CPA6: variants seen among roughly 807,000 people sequenced by gnomAD.
The protein encoded by CPA6 is carboxypeptidase B.
A neutral mutation model predicts 63.3 loss-of-function variants in CPA6; 58 were observed. That is an observed-to-expected ratio of 0.92 (90% CI 0.74 to 1.14). The LOEUF is 1.14. Among genes scored for constraint, CPA6 ranks in the 50% most tolerant of loss-of-function variants. CPA6 has a pLI of 0.00. For missense variants in CPA6, 565 were observed against 526.6 expected, an observed-to-expected ratio of 1.07 and a Z score of -0.71; for synonymous variants, 185 against 179.0, an observed-to-expected ratio of 1.03 and a Z score of -0.27.
At chr8:67,446,352 C>T (rs996907009) in intron 8 of CPA6, among the ~76,000 whole-genome samples, 1 of 151,516 alleles carries the variant, frequency 6.6e-6, no homozygotes, top group African/African-American at 2.4e-5. Flanking sequence ...GATAGAGTCT[C>T]GATATCTCGT....
chr8:67,496,540 TA>T (rs1311176556), intron 6 of CPA6, among the ~76,000 whole-genome samples: 42 of 139,602 alleles, frequency 3.0e-4, no homozygotes, highest in African/African-American at 1.1e-3. Context: ...TATATATATA[TA>T]TATATATATA....
rs150122426 is a variant in CPA6, at chr8:67,476,298, C to T, written c.838+7470G>A. Among the ~76,000 whole-genome samples, 388 of 152,088 alleles carry T rather than the reference C, an allele frequency of 2.6e-3. 2 individuals are homozygous for T. The highest frequency in any genetic ancestry group is 8.8e-3 in the African/African-American group (364 of 41,492). On this transcript the variant is annotated intron_variant, in intron 8 of 10. Coordinates refer to ENST00000297770, the MANE Select transcript of CPA6 (RefSeq NM_020361.5). ...GATTACAGGTGTGAGCCAACATGCC[C>T]GCCCCAAAGTAGGACACTTTCCATG...
intron 2 of CPA6, among the ~76,000 whole-genome samples, chr8:67,549,916 G>T (rs1812903098): frequency 6.6e-6 from 1 of 152,120 alleles, no homozygotes; most frequent in Non-Finnish European, 1.5e-5. Flanking sequence ...CTTCCATGTT[G>T]TGGCTATTGT....
At chr8:67,500,141 T>C (rs1811802052) in intron 6 of CPA6, among the ~76,000 whole-genome samples, 1 of 152,178 alleles carries the variant, frequency 6.6e-6, no homozygotes, top group South Asian at 2.1e-4. Flanking sequence ...GTTTCCTGCA[T>C]CCTCCCTGGC....
In CPA6 at chr8:67,746,049, C is replaced by G. The variant is rs369835154; in HGVS notation, c.81G>C (p.Pro27=). ...GGTTGTTATAAAGGTGGCTGTGCCC[C>G]GGTTGCAGAATCTTCAAAAAGAGCC... is the stretch of plus-strand genomic sequence containing the variant. ...LCWLFLKILQ[P]GHSHLYNNRY... Residue 27 remains proline, a synonymous_variant, in exon 1 of 11, where the codon CCG becomes CCC. Coordinates refer to ENST00000297770, the MANE Select transcript of CPA6 (RefSeq NM_020361.5). 2.5e-6 allele frequency: 4 copies of G among 1,613,666 alleles called. No individual in the cohort carries two copies. Among genetic ancestry groups the G allele is most frequent in the African/African-American group, 1.3e-5 (1 of 75,012 alleles).
chr8:67,602,235 G>T (rs116993696), intron 2 of CPA6, among the ~76,000 whole-genome samples: 1 of 152,052 alleles, frequency 6.6e-6, no homozygotes, highest in African/African-American at 2.4e-5. Context: ...ACAAATTTAT[G>T]CAGAGGTACA....
chr8:67,713,101 A>G (rs13277742), intron 1 of CPA6, among the ~76,000 whole-genome samples: 3,175 of 56,934 alleles, frequency 0.056, 47 homozygotes, highest in East Asian at 0.16. Flanking sequence ...GTGTGTGTGT[A>G]TATATATATA....
intron 1 of CPA6, among the ~76,000 whole-genome samples, chr8:67,678,387 G>A (rs994903251): frequency 1.3e-5 from 2 of 151,936 alleles, no homozygotes; most frequent in South Asian, 2.1e-4. Context: ...TATATCCAAC[G>A]AGGCCTGATA....
chr8:67,675,197 T>C (rs971955492), intron 1 of CPA6, among the ~76,000 whole-genome samples: 3 of 152,040 alleles, frequency 2.0e-5, no homozygotes, highest in Admixed American at 2.0e-4. Flanking sequence ...AGAGTTGAAA[T>C]TCTAAAAAAA....
rs1247365172 is a variant in CPA6, at chr8:67,607,147, C to T, written c.192+17029G>A. On this transcript the variant is annotated intron_variant, in intron 2 of 10. Transcript: ENST00000297770. Reference sequence around the variant, plus strand: ...TCCTCCTCCTCCTCCCCCTCCTCCCCCCCCTCCTCTTCTTCTTCTTCCTCT... The same window carrying T: ...TCCTCCTCCTCCTCCCCCTCCTCCCTCCCCTCCTCTTCTTCTTCTTCCTCT... Among the ~76,000 whole-genome samples the T allele has an allele frequency of 2.8e-4, 13 of 46,440 alleles. 2 individuals carry two copies. Among genetic ancestry groups the T allele is most frequent in the African/African-American group, 2.0e-3 (11 of 5,542 alleles). 30.5% of individuals were successfully genotyped at this position (46,440 alleles called of 152,430 possible).
chr8:67,577,799 A>T (rs1813665230), intron 2 of CPA6, among the ~76,000 whole-genome samples: 1 of 152,202 alleles, frequency 6.6e-6, no homozygotes, highest in Non-Finnish European at 1.5e-5. Flanking sequence ...AACCACCCTG[A>T]ATGTTTGCAG....
At chr8:67,495,002 T>A (rs1339591273) in intron 6 of CPA6, among the ~76,000 whole-genome samples, 1 of 152,218 alleles carries the variant, frequency 6.6e-6, no homozygotes, top group Non-Finnish European at 1.5e-5. Flanking sequence ...ATGAGTTGGA[T>A]AACAGCAGAG....
At chr8:67,467,362 A>G (rs1460110109) in intron 8 of CPA6, among the ~76,000 whole-genome samples, 1 of 152,054 alleles carries the variant, frequency 6.6e-6, no homozygotes, top group East Asian at 1.9e-4. Context: ...TATATTTACC[A>G]TTGTCTATCT....
At chr8:67,562,315 C>T (rs1373594806) in intron 2 of CPA6, among the ~76,000 whole-genome samples, 1 of 152,192 alleles carries the variant, frequency 6.6e-6, no homozygotes, top group African/African-American at 2.4e-5. Flanking sequence ...TTTCTCCCTT[C>T]ACAGTGTACT....
At chr8:67,714,134 T>G (rs1817329768) in intron 1 of CPA6, among the ~76,000 whole-genome samples, 1 of 152,238 alleles carries the variant, frequency 6.6e-6, no homozygotes, top group Admixed American at 6.5e-5. Context: ...TGATCATAAA[T>G]GTATCTGTTT....
chr8:67,461,821 A>AC (rs1320178349), intron 8 of CPA6, among the ~76,000 whole-genome samples: 7 of 151,190 alleles, frequency 4.6e-5, no homozygotes, highest in East Asian at 2.0e-4. Flanking sequence ...CGGGGGGCTG[A>AC]CCCCCCCACC....
At chr8:67,583,511 T>C (rs2128978949) in intron 2 of CPA6, among the ~76,000 whole-genome samples, 1 of 152,226 alleles carries the variant, frequency 6.6e-6, no homozygotes. Context: ...TGTGGCTGAA[T>C]AAAATCCTAG....
chr8:67,540,094 A>G (rs537698668), intron 2 of CPA6, among the ~76,000 whole-genome samples: 1 of 150,530 alleles, frequency 6.6e-6, no homozygotes, highest in South Asian at 2.1e-4. Flanking sequence ...GGTTTTTGGA[A>G]TTTTCAGCTT....
At chr8:67,574,376 CAA>C (rs1181267622) in intron 2 of CPA6, among the ~76,000 whole-genome samples, 234 of 65,186 alleles carry the variant, frequency 3.6e-3, no homozygotes, top group African/African-American at 0.01. Flanking sequence ...GACTCTGTCT[CAA>C]AAAAAAAAAA....
Sources: allele counts gnomAD v4.1 joint callset (sites outside exome capture counted in the v4.1 genomes callset), GRCh38; gene constraint gnomAD v4.1.1; transcripts MANE v1.5; gene names NCBI Gene and HGNC (gene_info 2026-07-23, HGNC 2026-07-21).